PTPRD: variants seen among roughly 807,000 people sequenced by gnomAD.
PTPRD encodes receptor-type tyrosine-protein phosphatase delta.
PTPRD carries 34 observed loss-of-function variants against 214.5 expected under a neutral mutation model. The observed-to-expected ratio is 0.16, with a 90% CI of 0.12 to 0.21. PTPRD has a LOEUF of 0.21. Among genes scored for constraint, PTPRD ranks in the 10% least tolerant of loss-of-function variants. The pLI, the probability that PTPRD is intolerant of heterozygous loss-of-function variation, is 1.00. For synonymous variants in PTPRD, 1,128 were observed against 845.7 expected, an observed-to-expected ratio of 1.33 and a Z score of -5.79; for missense variants, 2,545 against 2,398.7, an observed-to-expected ratio of 1.06 and a Z score of -1.27.
intron 8 of PTPRD, among the ~76,000 whole-genome samples, chr9:9,532,351 T>A (rs2075665916): frequency 6.6e-6 from 1 of 152,170 alleles, no homozygotes; most frequent in Non-Finnish European, 1.5e-5. Context: ...CTGGATTGTT[T>A]CAGAGCCTAG....
At chr9:9,046,958 G>C (rs936755393) in intron 10 of PTPRD, among the ~76,000 whole-genome samples, 8 of 151,980 alleles carry the variant, frequency 5.3e-5, no homozygotes, top group Admixed American at 2.6e-4. Context: ...CATCCAAATT[G>C]GAATGGAAAA....
chr9:9,343,110 A>C (rs2047458131), intron 9 of PTPRD, among the ~76,000 whole-genome samples: 1 of 151,976 alleles, frequency 6.6e-6, no homozygotes, highest in African/African-American at 2.4e-5. Flanking sequence ...TATGTGCCAC[A>C]TTTTCTTCAT....
chr9:8,327,597 T>A (rs1410643293), intron 44 of PTPRD, among the ~76,000 whole-genome samples: 1 of 152,134 alleles, frequency 6.6e-6, no homozygotes, highest in African/African-American at 2.4e-5. Flanking sequence ...TCCTTGCTAA[T>A]GTTCTATCTC....
At chr9:9,874,507 C>G (rs778592162) in intron 5 of PTPRD, among the ~76,000 whole-genome samples, 1 of 152,010 alleles carries the variant, frequency 6.6e-6, no homozygotes, top group Non-Finnish European at 1.5e-5. Context: ...TGTAAGCGTG[C>G]CTTTCACCAA....
intron 5 of PTPRD, among the ~76,000 whole-genome samples, chr9:9,894,232 G>A (rs768084031): frequency 2.1e-4 from 32 of 152,024 alleles, no homozygotes; most frequent in Middle Eastern, 3.4e-3. Context: ...TCTGTTATGG[G>A]TCTCTCAAAT....
intron 5 of PTPRD, among the ~76,000 whole-genome samples, chr9:9,933,358 G>A (rs1398494521): frequency 6.6e-6 from 1 of 151,838 alleles, no homozygotes; most frequent in African/African-American, 2.4e-5. Flanking sequence ...ACACACACAG[G>A]CTCAAAATAA....
intron 3 of PTPRD, among the ~76,000 whole-genome samples, chr9:10,140,236 G>C (rs2098974086): frequency 6.6e-6 from 1 of 151,472 alleles, no homozygotes; most frequent in African/African-American, 2.4e-5. Flanking sequence ...TAATCAATAA[G>C]CAAAAAACAA....
chr9:10,217,615 C>G (rs2099547334), intron 3 of PTPRD, among the ~76,000 whole-genome samples: 1 of 151,904 alleles, frequency 6.6e-6, no homozygotes, highest in South Asian at 2.1e-4. Flanking sequence ...AGCTTAATGC[C>G]TTCTCTGTCC....
chr9:8,366,618 G>T (rs1340056346), intron 39 of PTPRD, among the ~76,000 whole-genome samples: 1 of 152,192 alleles, frequency 6.6e-6, no homozygotes, highest in Non-Finnish European at 1.5e-5. Flanking sequence ...TCAGGAACCT[G>T]CAAGCTTGAG....
chr9:9,525,046 A>G (rs2073775990), intron 8 of PTPRD, among the ~76,000 whole-genome samples: 1 of 152,140 alleles, frequency 6.6e-6, no homozygotes. Context: ...TTTAGTAGAG[A>G]CACCGTTTCA....
At chr9:9,850,826 C>T (rs1297789937) in intron 5 of PTPRD, among the ~76,000 whole-genome samples, 1 of 152,092 alleles carries the variant, frequency 6.6e-6, no homozygotes, top group Non-Finnish European at 1.5e-5. Flanking sequence ...TGCTAACCTC[C>T]TCCACCTACC....
chr9:8,722,932 C>T (rs1334325086), intron 12 of PTPRD, among the ~76,000 whole-genome samples: 1 of 152,162 alleles, frequency 6.6e-6, no homozygotes. Context: ...GCTGTTTAGA[C>T]AGTGAGTTTA....
Position 10,215,892 on chromosome 9 carries a change from A to G in PTPRD, c.-545+125071T>C, listed in dbSNP as rs571705158. On this transcript the variant is annotated intron_variant, in intron 3 of 45. Transcript: ENST00000381196. ...TATGATGCTATTTATAAGATTCAAA[A>G]ACAAAATAGAGGCTGGGGATGCTGC... 1.4e-3 allele frequency among the ~76,000 whole-genome samples: 208 copies of G among 152,140 alleles called. 1 individual carries two copies. The highest frequency in any genetic ancestry group is 4.8e-3 in the African/African-American group (199 of 41,558).
At chr9:10,488,965 G>T (rs1401775368) in intron 2 of PTPRD, among the ~76,000 whole-genome samples, 1 of 152,020 alleles carries the variant, frequency 6.6e-6, no homozygotes, top group African/African-American at 2.4e-5. Context: ...TATCTTAGCT[G>T]GTACCTAATG....
At chr9:10,419,716 T>C (rs1161806924) in intron 2 of PTPRD, among the ~76,000 whole-genome samples, 1 of 151,792 alleles carries the variant, frequency 6.6e-6, no homozygotes, top group Non-Finnish European at 1.5e-5. Context: ...AATTAGGATT[T>C]AGAAAAGATT....
chr9:8,320,043 C>T (rs1427969842), intron 44 of PTPRD, 77 bp from the exon 45 acceptor site: 9 of 1,523,182 alleles, frequency 5.9e-6, no homozygotes, highest in African/African-American at 4.2e-5. Flanking sequence ...TGTGGACATA[C>T]TTCTACCAGC....
At position 8,814,465 on chromosome 9, in the gene PTPRD, GACC is replaced by G. The variant is rs560535643; in HGVS notation, c.-103-80522_-103-80520del. On this transcript the variant is annotated intron_variant, in intron 11 of 45. Transcript: ENST00000381196. ...GGGGCGGCTGCAAACCTGAAGCTGAGACCAATAGGAAGACCCCAGAAAGGGTGA... is the reference window on the plus strand; with the variant it reads ...GGGGCGGCTGCAAACCTGAAGCTGAGAATAGGAAGACCCCAGAAAGGGTGA... Among the ~76,000 whole-genome samples the G allele has an allele frequency of 6.0e-4, 92 of 152,238 alleles. 1 individual carries two copies. The highest frequency in any genetic ancestry group is 2.1e-3 in the African/African-American group (86 of 41,532).
intron 2 of PTPRD, among the ~76,000 whole-genome samples, chr9:10,516,818 G>A (rs2784602): frequency 0.26 from 38,967 of 151,616 alleles, 6,024 homozygotes; most frequent in Non-Finnish European, 0.35. Flanking sequence ...AGCACCATTT[G>A]CTGAAGAAAC....
chr9:8,732,627 A>G (rs1358861074), intron 12 of PTPRD, among the ~76,000 whole-genome samples: 1 of 152,232 alleles, frequency 6.6e-6, no homozygotes, highest in Admixed American at 6.5e-5. Flanking sequence ...TTAGGAAACT[A>G]TATACATTAT....
Sources: allele counts gnomAD v4.1 joint callset (sites outside exome capture counted in the v4.1 genomes callset), GRCh38; gene constraint gnomAD v4.1.1; transcripts MANE v1.5; gene names NCBI Gene and HGNC (gene_info 2026-07-23, HGNC 2026-07-21).